DYRK1A: variants seen among roughly 807,000 people sequenced by gnomAD.
DYRK1A encodes the protein dual specificity tyrosine phosphorylation regulated kinase 1A.
A neutral mutation model predicts 79.7 loss-of-function variants in DYRK1A; 9 were observed. The observed-to-expected ratio is 0.11, with a 90% confidence interval of 0.07 to 0.20. DYRK1A has a LOEUF of 0.20. DYRK1A is among the 10% of genes least tolerant of loss of function. The probability of loss-of-function intolerance (pLI) is 1.00; values close to 1 mark genes in which losing one functional copy is unlikely to be tolerated. For synonymous variants in DYRK1A, 349 were observed against 329.7 expected (o/e 1.06, Z -0.63); for missense variants, 622 against 956.0 (o/e 0.65, Z 4.61).
At chr21:37,371,905 A>G (rs1163530910) in intron 1 of DYRK1A, among the ~76,000 whole-genome samples, 1 of 152,156 alleles carries the variant, frequency 6.6e-6, no homozygotes, top group Admixed American at 6.5e-5. Flanking sequence ...TGAGTGTATA[A>G]CATTTCCAAT....
At chr21:37,439,677 T>TC (rs1299659909) in intron 2 of DYRK1A, among the ~76,000 whole-genome samples, 3 of 151,974 alleles carry the variant, frequency 2.0e-5, no homozygotes, top group East Asian at 3.9e-4. Context: ...AAACCATATC[T>TC]CCCCCCATGG....
intron 1 of DYRK1A, among the ~76,000 whole-genome samples, chr21:37,398,904 CTTTTT>C (rs75261593): frequency 1.0e-4 from 14 of 137,070 alleles, no homozygotes; most frequent in African/African-American, 1.6e-4. Flanking sequence ...GGAGGAGAAA[CTTTTT>C]TTTTTTTTTT....
chr21:37,484,030 G>T (rs2052757025), intron 5 of DYRK1A, among the ~76,000 whole-genome samples: 1 of 152,172 alleles, frequency 6.6e-6, no homozygotes, highest in African/African-American at 2.4e-5. Flanking sequence ...ACAGCAGGAG[G>T]TGAGTGGTCA....
intron 2 of DYRK1A, chr21:37,430,224 A>C (rs2050739952): frequency 1.1e-6 from 1 of 901,472 alleles, no homozygotes; most frequent in Non-Finnish European, 1.3e-6. Flanking sequence ...ATGTTCACTT[A>C]CACATCTTTC....
upstream of DYRK1A, chr21:37,365,725 A>G (rs903530537): frequency 6.6e-6 from 1 of 152,260 alleles, no homozygotes; most frequent in African/African-American, 2.4e-5. Context: ...GAAACCGAGA[A>G]GGTGTATAGA....
At chr21:37,497,281 A>C (rs1266927585) in intron 9 of DYRK1A, among the ~76,000 whole-genome samples, 1 of 152,180 alleles carries the variant, frequency 6.6e-6, no homozygotes, top group South Asian at 2.1e-4. Flanking sequence ...TTAAAAGCAC[A>C]TACGTAGTTG....
chr21:37,393,384 C>T (rs928457357), intron 1 of DYRK1A, among the ~76,000 whole-genome samples: 4 of 152,086 alleles, frequency 2.6e-5, no homozygotes, highest in Non-Finnish European at 4.4e-5. Context: ...ACATTTTTAC[C>T]GGAGTTTAAT....
chr21:37,401,011 G>A (rs931939296), intron 1 of DYRK1A, among the ~76,000 whole-genome samples: 1 of 152,064 alleles, frequency 6.6e-6, no homozygotes, highest in Non-Finnish European at 1.5e-5. Context: ...AGGTGTGGTG[G>A]TGCACACTTG....
chr21:37,445,378 T>A (rs956735336), intron 2 of DYRK1A, among the ~76,000 whole-genome samples: 1 of 152,204 alleles, frequency 6.6e-6, no homozygotes, highest in South Asian at 2.1e-4. Context: ...GAGGAATGTT[T>A]CGGAAAATAA....
chr21:37,424,922 A>G (rs2050575741), intron 2 of DYRK1A, among the ~76,000 whole-genome samples: 1 of 152,198 alleles, frequency 6.6e-6, no homozygotes. Flanking sequence ...AGCATTGAGT[A>G]TTATAGTTAA....
At chr21:37,370,322 T>A (rs930293031) in intron 1 of DYRK1A, among the ~76,000 whole-genome samples, 1 of 152,108 alleles carries the variant, frequency 6.6e-6, no homozygotes, top group African/African-American at 2.4e-5. Context: ...GCTTGGAAAT[T>A]TAGGCTGCCC....
rs745713557 is a variant in DYRK1A at position 37,511,924 on chromosome 21, T to A, written c.1658T>A (p.Phe553Tyr). ...ETHSPQVRQQFPAPLGWSGTE... is the reference protein window; with the variant it reads ...ETHSPQVRQQYPAPLGWSGTE... ...CTGTTCTTTCAGGTGCGTCAGCAAT[T>A]TCCTGCTCCTCTTGGTTGGTCAGGC... Residue 553 changes from phenylalanine to tyrosine, a missense_variant, in exon 12 of 12, where the codon TTT becomes TAT. Physicochemically the swap from Phe to Tyr is conservative, Grantham distance 22. Transcript: ENST00000647188. 3 of 1,611,410 alleles carry A rather than the reference T, an allele frequency of 1.9e-6. No individual in the cohort carries two copies. In the African/African-American group the frequency reaches 4.0e-5, roughly 22 times the overall value.
At chr21:37,462,185 A>G (rs1222229238) in intron 2 of DYRK1A, among the ~76,000 whole-genome samples, 1 of 152,058 alleles carries the variant, frequency 6.6e-6, no homozygotes, top group East Asian at 1.9e-4. Context: ...CCTCCCGAAT[A>G]CAGACCACAT....
rs534598886 is a variant in DYRK1A at position 37,422,681 on chromosome 21, G to A, written c.10+2297G>A. Among the ~76,000 whole-genome samples, 3 of 152,218 alleles carry A rather than the reference G, an allele frequency of 2.0e-5. No homozygotes were observed. In the Middle Eastern group the frequency reaches 0.01, roughly 521 times the overall value. ...GGTTTTCAGAGTAACTTTGTGAGGT[G>A]ATGAATATGTTAATTGGCTTGATTG... On this transcript the variant is annotated intron_variant, in intron 2 of 11. Transcript: ENST00000647188.
chr21:37,388,022 CTG>C (rs1376160982), intron 1 of DYRK1A, among the ~76,000 whole-genome samples: 2 of 151,410 alleles, frequency 1.3e-5, no homozygotes, highest in African/African-American at 4.9e-5. Flanking sequence ...TTATAAATGT[CTG>C]TGTTTTTATC....
chr21:37,492,245 G>C lies in DYRK1A; in HGVS notation c.925-772G>C, dbSNP rs140427870. 3.8e-3 allele frequency among the ~76,000 whole-genome samples: 580 copies of C among 152,322 alleles called. 2 individuals are homozygous for C. Among genetic ancestry groups the C allele is most frequent in the African/African-American group, 0.013 (525 of 41,566 alleles). On this transcript the variant is annotated intron_variant, in intron 7 of 11. Coordinates refer to ENST00000647188, the MANE Select transcript of DYRK1A (RefSeq NM_001347721.2). ...ATTGTTCTCGAAGACTTGGCTGGAGGTTTCAGTGGGAACCACAGAAAATTT... is the reference window on the plus strand; with the variant it reads ...ATTGTTCTCGAAGACTTGGCTGGAGCTTTCAGTGGGAACCACAGAAAATTT...
intron 9 of DYRK1A, among the ~76,000 whole-genome samples, chr21:37,499,752 T>A (rs187490645): frequency 6.6e-6 from 1 of 152,234 alleles, no homozygotes; most frequent in Non-Finnish European, 1.5e-5. Context: ...GATTTTTGTA[T>A]ATTGATTTTG....
chr21:37,444,030 C>T (rs143083813), intron 2 of DYRK1A, among the ~76,000 whole-genome samples: 2 of 152,260 alleles, frequency 1.3e-5, no homozygotes, highest in East Asian at 3.9e-4. Flanking sequence ...TACTTCTGTG[C>T]TCTTAGGGTG....
chr21:37,401,877 A>G (rs1026832777), intron 1 of DYRK1A, among the ~76,000 whole-genome samples: 4 of 152,198 alleles, frequency 2.6e-5, no homozygotes, highest in Admixed American at 6.5e-5. Context: ...TCTTCTTCAC[A>G]TGAACTTTGG....
Sources: allele counts gnomAD v4.1 joint callset (sites outside exome capture counted in the v4.1 genomes callset), GRCh38; gene constraint gnomAD v4.1.1; transcripts MANE v1.5; gene names NCBI Gene and HGNC (gene_info 2026-07-23, HGNC 2026-07-21).